The following PDPN variants were observed in gnomAD, a reference collection of about 807,000 sequenced individuals.
PDPN encodes podoplanin, also known as PA2.26 antigen.
A neutral mutation model predicts 23.2 loss-of-function variants in PDPN; 12 were observed. That is an observed-to-expected ratio of 0.52 (90% CI 0.33 to 0.84). PDPN has a LOEUF of 0.84. Ranked by LOEUF, PDPN falls within the 40% of genes least tolerant of loss-of-function variation. The pLI is 0.02. For synonymous variants in PDPN, 77 were observed against 76.7 expected (o/e 1.00, Z -0.02); for missense variants, 199 against 212.2 (o/e 0.94, Z 0.39).
At chr1:13,604,029 G>A (rs777852534) in intron 1 of PDPN, among the ~76,000 whole-genome samples, 5 of 152,192 alleles carry the variant, frequency 3.3e-5, no homozygotes, top group African/African-American at 4.8e-5. Flanking sequence ...TGAGCACGCT[G>A]GTACACCACT....
intron 1 of PDPN, among the ~76,000 whole-genome samples, chr1:13,597,523 A>G (rs1403450376): frequency 6.6e-6 from 1 of 152,188 alleles, no homozygotes; most frequent in East Asian, 1.9e-4. Context: ...CAGAAATAGG[A>G]GTGGAAGAAA....
rs1486252394 is a variant in PDPN at position 13,614,425 on chromosome 1, T to C, written c.482+14T>C. ...GGGAAGGTACTCGTAAGTAAATAGCTTACACCCATGTGATAGGCAAATGAA... is the reference window on the plus strand; with the variant it reads ...GGGAAGGTACTCGTAAGTAAATAGCCTACACCCATGTGATAGGCAAATGAA... On this transcript the variant is annotated intron_variant, in intron 5 of 5. Coordinates refer to ENST00000621990, the MANE Select transcript of PDPN (RefSeq NM_006474.5). 7.9e-7 allele frequency: 1 copy of C among 1,269,864 alleles called. No homozygotes were observed. Among genetic ancestry groups the C allele is most frequent in the Admixed American group, 1.7e-5 (1 of 58,468 alleles). The allele number at this position is 1,269,864 out of a possible 1,614,324, so 78.7% of individuals were successfully genotyped here.
chr1:13,615,813 T>C, intron 5 of PDPN, 92 bp from the exon 6 acceptor site: 1 of 1,169,598 alleles, frequency 8.5e-7, no homozygotes, highest in South Asian at 1.2e-5. Flanking sequence ...TTGGAAGATT[T>C]AGAGCAAAGG....
Position 13,615,993 on chromosome 1 carries a change from G to A in PDPN, c.*82G>A. 2 of 1,333,316 alleles carry A rather than the reference G, an allele frequency of 1.5e-6. No individual in the cohort carries two copies. Among genetic ancestry groups the A allele is most frequent in the East Asian group, 2.3e-5 (1 of 43,544 alleles). 82.6% of individuals were successfully genotyped at this position (1,333,316 alleles called of 1,614,324 possible). A position where few individuals can be genotyped will look rare whatever the true frequency, so the allele number is the denominator to read the frequency against. ...TCTGTGCCCTGTCCCTGAGCTCGTG[G>A]GAGAAGATGACCCGTGGAACACTTG... On this transcript the variant is annotated 3_prime_UTR_variant, in exon 6 of 6. Coordinates refer to ENST00000621990, the MANE Select transcript of PDPN (RefSeq NM_006474.5).
chr1:13,613,377 G>A (rs1353690542), intron 3 of PDPN, among the ~76,000 whole-genome samples: 1 of 152,052 alleles, frequency 6.6e-6, no homozygotes, highest in Non-Finnish European at 1.5e-5. Flanking sequence ...GATACTCCTT[G>A]ATCATTTATT....
chr1:13,607,212 G>A lies in PDPN; in HGVS notation c.107G>A (p.Gly36Asp), dbSNP rs772535198. The A allele has an allele frequency of 6.2e-7, 1 of 1,614,152 alleles. No individual in the cohort carries two copies. Among genetic ancestry groups the A allele is most frequent in the South Asian group, 1.1e-5 (1 of 91,078 alleles). The stretch of plus-strand genomic sequence containing the variant: ...CCAGAAGATGACACTGAGACTACAG[G>A]TTTGGAAGGCGGCGTTGCCATGCCA... ...GQPEDDTETT[G>D]LEGGVAMPGA... The change falls in exon 2 of 6, where the codon GGT becomes GAT. Residue 36 changes from glycine to aspartate, a missense_variant. By Grantham distance (94) the Gly-to-Asp change is moderately conservative. Transcript: ENST00000621990.
At chr1:13,585,717 A>T in intron 1 of PDPN, 1 of 1,162,792 alleles carries the variant, frequency 8.6e-7, no homozygotes, top group South Asian at 1.2e-5. Context: ...AAGAAGTGGT[A>T]TGCGGGGCTG....
chr1:13,612,653 G>A (rs1640964447), intron 3 of PDPN, among the ~76,000 whole-genome samples: 1 of 152,110 alleles, frequency 6.6e-6, no homozygotes, highest in Admixed American at 6.6e-5. Flanking sequence ...GCTTGTGCAG[G>A]GAGTGCTGGT....
At chr1:13,588,284 A>G (rs559015078) in intron 1 of PDPN, among the ~76,000 whole-genome samples, 2 of 152,274 alleles carry the variant, frequency 1.3e-5, no homozygotes, top group African/African-American at 4.8e-5. Flanking sequence ...TGTTTGCAGC[A>G]TGTACAAATG....
At chr1:13,608,646 C>T (rs407829) in intron 2 of PDPN, among the ~76,000 whole-genome samples, 43,148 of 151,976 alleles carry the variant, frequency 0.28, 6,831 homozygotes, top group Admixed American at 0.41. Context: ...GCAGAGAAAA[C>T]GAACACTTAA....
At chr1:13,594,831 A>C (rs78399407) in intron 1 of PDPN, among the ~76,000 whole-genome samples, 11,833 of 129,418 alleles carry the variant, frequency 0.091, 577 homozygotes, top group Middle Eastern at 0.15. Context: ...CTAAAAATAC[A>C]AAAAAAAAAA....
chr1:13,586,364 A>G (rs1640178919), intron 1 of PDPN, among the ~76,000 whole-genome samples: 2 of 152,220 alleles, frequency 1.3e-5, no homozygotes, highest in Admixed American at 1.3e-4. Context: ...AGGCCTCTGC[A>G]TTGCACTGGT....
intron 1 of PDPN, among the ~76,000 whole-genome samples, chr1:13,604,433 T>A (rs1040108554): frequency 2.2e-5 from 3 of 138,404 alleles, no homozygotes; most frequent in Non-Finnish European, 4.8e-5. Context: ...AAGACATGCA[T>A]CTTAATCCTG....
Position 13,583,840 on chromosome 1 carries a change from A to G in PDPN, c.-194A>G, listed in dbSNP as rs577807103. On this transcript the variant is annotated 5_prime_UTR_variant, in exon 1 of 6. Coordinates refer to ENST00000621990, the MANE Select transcript of PDPN (RefSeq NM_006474.5). Reference sequence around the variant, plus strand: ...CCGCTCGGAAAGTTCTCAACTGCAAAGTTTGCTGTCCGGCTGCCTAGGGTC... The same window carrying G: ...CCGCTCGGAAAGTTCTCAACTGCAAGGTTTGCTGTCCGGCTGCCTAGGGTC... 87 of 1,574,038 alleles carry G rather than the reference A, an allele frequency of 5.5e-5. No individual in the cohort carries two copies. In the South Asian group the frequency reaches 9.1e-4, roughly 16 times the overall value.
chr1:13,613,472 G>A lies in PDPN; in HGVS notation c.332-215G>A, dbSNP rs74856224. Among the ~76,000 whole-genome samples, 15 of 152,232 alleles carry A rather than the reference G, an allele frequency of 9.9e-5. No homozygotes were observed. In the East Asian group the frequency reaches 2.9e-3, roughly 29 times the overall value. ...AGAAAAGTGCTATGAACCCATTGGT[G>A]TGAATAAGGGTTCATAAATTAGATA... On this transcript the variant is annotated intron_variant, in intron 3 of 5. Coordinates refer to ENST00000621990, the MANE Select transcript of PDPN (RefSeq NM_006474.5).
At chr1:13,594,636 C>T (rs541996475) in intron 1 of PDPN, among the ~76,000 whole-genome samples, 3 of 152,268 alleles carry the variant, frequency 2.0e-5, no homozygotes, top group East Asian at 1.9e-4. Flanking sequence ...AACCTCTTAG[C>T]CTCACCATTG....
chr1:13,587,449 G>A (rs911984908), intron 1 of PDPN, among the ~76,000 whole-genome samples: 6 of 152,162 alleles, frequency 3.9e-5, no homozygotes, highest in Non-Finnish European at 7.4e-5. Flanking sequence ...GGCAGGCCAG[G>A]TTATAACTTG....
At chr1:13,612,631 C>G (rs1413399355) in intron 3 of PDPN, among the ~76,000 whole-genome samples, 1 of 152,106 alleles carries the variant, frequency 6.6e-6, no homozygotes, top group East Asian at 1.9e-4. Flanking sequence ...GTGCTCTATA[C>G]CCATGGGCTC....
rs750324403 is a variant in PDPN at position 13,584,200 on chromosome 1, G to T, written c.67+100G>T. The T allele has an allele frequency of 1.1e-5, 17 of 1,522,356 alleles. No homozygotes were observed. In the African/African-American group the frequency reaches 1.5e-4, roughly 14 times the overall value. 94.3% of individuals were successfully genotyped at this position (1,522,356 alleles called of 1,614,324 possible). On this transcript the variant is annotated intron_variant, in intron 1 of 5. Transcript: ENST00000621990. ...GCCTGGTATTCGAGGTTGTCCAGGGGAGCGCGGGGGAGCTGAGGGTGTGTG... is the reference window on the plus strand; with the variant it reads ...GCCTGGTATTCGAGGTTGTCCAGGGTAGCGCGGGGGAGCTGAGGGTGTGTG...
Sources: gnomAD v4.1 joint callset for allele counts (sites outside exome capture counted in the v4.1 genomes callset) on GRCh38, gnomAD v4.1.1 for gene constraint, MANE v1.5 for transcripts, NCBI Gene and HGNC (gene_info 2026-07-23, HGNC 2026-07-21) for gene names.